TNKS: variants seen among roughly 807,000 people sequenced by gnomAD.
TNKS encodes the protein poly [ADP-ribose] polymerase tankyrase-1.
A neutral mutation model predicts 135.8 loss-of-function variants in TNKS; 72 were observed. That is an observed-to-expected ratio of 0.53 (90% confidence interval 0.44 to 0.64). The LOEUF is 0.64. TNKS is among the 30% of genes least tolerant of loss of function. The probability of loss-of-function intolerance (pLI) is 0.00; values close to 1 mark genes in which losing one functional copy is unlikely to be tolerated. For synonymous variants in TNKS, 849 were observed against 649.3 expected (o/e 1.31, Z -4.68); for missense variants, 1,769 against 1,674.0 (o/e 1.06, Z -0.99).
rs1407239263 is a variant in TNKS, at chr8:9,664,244, AG to A, written c.995-15702del. 7.2e-5 allele frequency among the ~76,000 whole-genome samples: 11 copies of A among 152,216 alleles called. No individual in the cohort carries two copies. The East Asian group carries it at 1.9e-3, about 27-fold the overall frequency. ...TTGCTTCCACTCCTGGCAGAAGGTG[AG>A]GGGGAGTCAGCATGTGCAAAGACGA... On this transcript the variant is annotated intron_variant, in intron 3 of 26. Coordinates refer to ENST00000310430, the MANE Select transcript of TNKS (RefSeq NM_003747.3).
chr8:9,653,631 A>C (rs553085592), intron 3 of TNKS, among the ~76,000 whole-genome samples: 2 of 152,162 alleles, frequency 1.3e-5, no homozygotes, highest in South Asian at 2.1e-4. Flanking sequence ...ACTCACTTCT[A>C]CTCCAATGAG....
chr8:9,607,239 A>G (rs567686187), intron 2 of TNKS, among the ~76,000 whole-genome samples: 5 of 152,206 alleles, frequency 3.3e-5, no homozygotes, highest in African/African-American at 7.2e-5. Context: ...CTAAGAGTGG[A>G]ATCATTTTAC....
At chr8:9,601,866 G>T (rs1202838521) in intron 2 of TNKS, among the ~76,000 whole-genome samples, 3 of 151,852 alleles carry the variant, frequency 2.0e-5, no homozygotes, top group Non-Finnish European at 4.4e-5. Context: ...CTTATGTTTA[G>T]AAACCACATA....
chr8:9,564,358 G>C (rs1372580637), intron 1 of TNKS, among the ~76,000 whole-genome samples: 1 of 151,906 alleles, frequency 6.6e-6, no homozygotes, highest in Non-Finnish European at 1.5e-5. Context: ...AGGTCGAGTT[G>C]TGAGCATAAA....
At chr8:9,703,156 T>C (rs1341224177) in intron 5 of TNKS, among the ~76,000 whole-genome samples, 1 of 152,178 alleles carries the variant, frequency 6.6e-6, no homozygotes, top group Non-Finnish European at 1.5e-5. Context: ...AAACCCTATA[T>C]ATGGTTTTTT....
At chr8:9,696,931 C>G (rs1803541811) in intron 5 of TNKS, among the ~76,000 whole-genome samples, 1 of 152,062 alleles carries the variant, frequency 6.6e-6, no homozygotes, top group Admixed American at 6.5e-5. Flanking sequence ...CATCATTCTT[C>G]AAAAAATTAG....
chr8:9,626,874 C>T (rs1227332783), intron 3 of TNKS, among the ~76,000 whole-genome samples: 2 of 152,174 alleles, frequency 1.3e-5, no homozygotes, highest in African/African-American at 4.8e-5. Context: ...AGTTTCCTGG[C>T]ATACAATTCC....
intron 11 of TNKS, among the ~76,000 whole-genome samples, chr8:9,710,837 A>G (rs1212904733): frequency 6.6e-6 from 1 of 152,198 alleles, no homozygotes; most frequent in Non-Finnish European, 1.5e-5. Flanking sequence ...CGAAGCTTGC[A>G]GTGAGCTGAG....
chr8:9,555,916 T>G lies in TNKS; in HGVS notation c.-24T>G, dbSNP rs551109969. On this transcript the variant is annotated 5_prime_UTR_variant, in exon 1 of 27. Coordinates refer to ENST00000310430, the MANE Select transcript of TNKS (RefSeq NM_003747.3). Reference sequence around the variant, plus strand: ...CGGGCGGTGGGGGCCGTTGCCGCAGTGACAGTGCTAGGGGAGTCCGAAGAT... The same window carrying G: ...CGGGCGGTGGGGGCCGTTGCCGCAGGGACAGTGCTAGGGGAGTCCGAAGAT... 36 of 1,578,140 alleles carry G rather than the reference T, an allele frequency of 2.3e-5. No homozygotes were observed. The highest frequency in any genetic ancestry group is 3.0e-5 in the Non-Finnish European group (35 of 1,165,882).
chr8:9,767,692 GC>G (rs1278424586), intron 25 of TNKS, among the ~76,000 whole-genome samples: 2 of 152,068 alleles, frequency 1.3e-5, no homozygotes, highest in Non-Finnish European at 2.9e-5. Context: ...GGGCATGGTG[GC>G]TCACACCTGT....
chr8:9,747,954 A>T (rs1017864474), intron 17 of TNKS, 70 bp from the exon 18 acceptor site: 6 of 1,360,504 alleles, frequency 4.4e-6, no homozygotes, highest in African/African-American at 1.5e-5. Context: ...AAATAAAAAC[A>T]GGTATACACA....
intron 25 of TNKS, among the ~76,000 whole-genome samples, chr8:9,767,805 A>G (rs1171726830): frequency 6.6e-6 from 1 of 151,920 alleles, no homozygotes; most frequent in Non-Finnish European, 1.5e-5. Flanking sequence ...TAAAAATACA[A>G]AAAATTAGCC....
At chr8:9,690,325 T>C (rs1241087819) in intron 5 of TNKS, among the ~76,000 whole-genome samples, 5 of 152,212 alleles carry the variant, frequency 3.3e-5, no homozygotes, top group Admixed American at 2.6e-4. Context: ...TTGAATTAAG[T>C]TGGCATTCAG....
intron 26 of TNKS, among the ~76,000 whole-genome samples, chr8:9,771,496 A>C (rs1458552428): frequency 1.4e-5 from 2 of 138,396 alleles, no homozygotes; most frequent in African/African-American, 2.7e-5. Context: ...AAAGAGATAA[A>C]GGGAAGGAAA....
rs1808471387 is a variant in TNKS at position 9,781,853 on chromosome 8, G to T, written c.*5117G>T. Reference sequence around the variant, plus strand: ...TCTGTGTGACCCAACAGTGGCAGGGGTTACAACCCCCTCTCCTTTCTTTTT... The same window carrying T: ...TCTGTGTGACCCAACAGTGGCAGGGTTTACAACCCCCTCTCCTTTCTTTTT... On this transcript the variant is annotated 3_prime_UTR_variant, in exon 27 of 27. Coordinates refer to ENST00000310430, the MANE Select transcript of TNKS (RefSeq NM_003747.3). The T allele has an allele frequency of 6.6e-6, 1 of 152,554 alleles. No individual in the cohort carries two copies. Among genetic ancestry groups the T allele is most frequent in the African/African-American group, 2.4e-5 (1 of 41,432 alleles). The allele number at this position is 152,554 out of a possible 1,614,324, so 9.5% of individuals were successfully genotyped here. A position where few individuals can be genotyped will look rare whatever the true frequency, so the allele number is the denominator to read the frequency against.
intron 11 of TNKS, 58 bp downstream of exon 11, chr8:9,710,278 A>C: frequency 1.3e-6 from 2 of 1,488,532 alleles, no homozygotes; most frequent in Non-Finnish European, 1.9e-6. Context: ...AGCTGCTCTT[A>C]ACACTGCTTC....
At chr8:9,562,141 T>C (rs1797361546) in intron 1 of TNKS, among the ~76,000 whole-genome samples, 1 of 152,054 alleles carries the variant, frequency 6.6e-6, no homozygotes, top group Admixed American at 6.6e-5. Flanking sequence ...TGAAGTTTTG[T>C]CCTTTTTTTT....
rs1798118900 is a variant in TNKS, at chr8:9,580,298, A to G, written c.813A>G (p.Gln271=). The part of the protein sequence containing the change: ...HAEVVSLLLC[Q]GADPNARDNW... The stretch of plus-strand genomic sequence containing the variant: ...AGGTTGTGAGTCTGTTATTGTGCCA[A>G]GGAGCTGATCCAAATGCCAGGGATA... Residue 271 remains glutamine (Q), a synonymous_variant, in exon 2 of 27, where the codon CAA becomes CAG. Coordinates refer to ENST00000310430, the MANE Select transcript of TNKS (RefSeq NM_003747.3). 1.2e-6 allele frequency: 2 copies of G among 1,614,072 alleles called. No homozygotes were observed. The highest frequency in any genetic ancestry group is 1.3e-5 in the African/African-American group (1 of 74,918).
intron 18 of TNKS, among the ~76,000 whole-genome samples, chr8:9,748,691 T>G (rs1806367444): frequency 1.3e-5 from 2 of 152,238 alleles, no homozygotes; most frequent in South Asian, 4.1e-4. Flanking sequence ...TCACAGTAAT[T>G]TCTAATTTTT....
Sources: gnomAD v4.1 joint callset for allele counts (sites outside exome capture counted in the v4.1 genomes callset) on GRCh38, gnomAD v4.1.1 for gene constraint, MANE v1.5 for transcripts, NCBI Gene and HGNC (gene_info 2026-07-23, HGNC 2026-07-21) for gene names.